The following GBF1 variants were observed in gnomAD, a reference collection of about 807,000 sequenced individuals.
GBF1 encodes Golgi-specific brefeldin A-resistance guanine nucleotide exchange factor 1.
GBF1 carries 114 observed loss-of-function variants against 210.5 expected under a neutral mutation model. That is an observed-to-expected ratio of 0.54 (90% CI 0.47 to 0.63). GBF1 has a LOEUF of 0.63. Ranked by LOEUF, GBF1 falls within the 30% of genes least tolerant of loss-of-function variation. The probability of loss-of-function intolerance (pLI) is 0.00; values close to 1 mark genes in which losing one functional copy is unlikely to be tolerated. For missense variants in GBF1, 1,851 were observed against 2,357.7 expected (o/e 0.79, Z 4.45); for synonymous variants, 850 against 889.2 (o/e 0.96, Z 0.78).
intron 3 of GBF1, among the ~76,000 whole-genome samples, chr10:102,331,385 A>T (rs150928965): frequency 6.6e-6 from 1 of 152,122 alleles, no homozygotes; most frequent in African/African-American, 2.4e-5. Flanking sequence ...ATGATTTCTA[A>T]TCCCTGGGGT....
chr10:102,279,152 G>A (rs1215697751), intron 3 of GBF1, among the ~76,000 whole-genome samples: 1 of 152,132 alleles, frequency 6.6e-6, no homozygotes, highest in East Asian at 1.9e-4. Flanking sequence ...AAACACAATT[G>A]CATACCCTAA....
chr10:102,356,636 G>A (rs188420645), intron 8 of GBF1, among the ~76,000 whole-genome samples: 187 of 152,074 alleles, frequency 1.2e-3, no homozygotes, highest in African/African-American at 4.3e-3. Context: ...GCTTGGTGGC[G>A]GGCGCCTGTA....
upstream of GBF1, among the ~76,000 whole-genome samples, chr10:102,242,182 G>A (rs543841586): frequency 6.6e-6 from 1 of 152,178 alleles, no homozygotes; most frequent in African/African-American, 2.4e-5. Flanking sequence ...TCCAAGGAAG[G>A]TGACTTCGTG....
At chr10:102,326,693 C>T (rs2056929110) in intron 3 of GBF1, among the ~76,000 whole-genome samples, 1 of 152,208 alleles carries the variant, frequency 6.6e-6, no homozygotes. Flanking sequence ...CCCAACCCCA[C>T]ACATATATAC....
At position 102,382,095 on chromosome 10, in the gene GBF1, G is replaced by A. The variant is rs1455675204; in HGVS notation, c.5342G>A (p.Ser1781Asn). 5.7e-6 allele frequency: 9 copies of A among 1,573,860 alleles called. No homozygotes were observed. The African/African-American group carries it at 9.5e-5, about 17-fold the overall frequency. ...KPESPRAASS[S>N]SPGSPVASSP... ...GAGAGCCCCCGAGCCGCCAGCAGCA[G>A]CTCCCCAGGATCACCAGTGGCCTCA... Residue 1781 changes from serine (S) to asparagine (N), a missense_variant, in exon 40 of 40, where the codon AGC becomes AAC. By Grantham distance (46) the Ser-to-Asn change is conservative. Coordinates refer to ENST00000369983, the MANE Select transcript of GBF1 (RefSeq NM_001377137.1).
At position 102,376,260 on chromosome 10, in the gene GBF1, T is replaced by G. The variant is rs1325441999; in HGVS notation, c.3887-12T>G. 1 of 1,612,580 alleles carries G rather than the reference T, an allele frequency of 6.2e-7. No individual in the cohort carries two copies. ...CCCACCCTGACTCTGCCCTTCTCCC[T>G]GCCTACCATAGGGGCCCAGTCAGAT... is the stretch of plus-strand genomic sequence containing the variant. On this transcript the variant is annotated splice_polypyrimidine_tract_variant and intron_variant, in intron 30 of 39. Transcript: ENST00000369983.
chr10:102,239,085 A>G, the GBF1 span, among the ~76,000 whole-genome samples: 3 of 152,182 alleles, frequency 2.0e-5, no homozygotes, highest in Non-Finnish European at 2.9e-5. Context: ...ATTATGCTGT[A>G]GATTTCCATC....
At chr10:102,296,173 C>A (rs2076889061) in intron 3 of GBF1, among the ~76,000 whole-genome samples, 2 of 152,142 alleles carry the variant, frequency 1.3e-5, no homozygotes, top group African/African-American at 4.8e-5. Flanking sequence ...AAACCAAGGT[C>A]ACATAGCTTA....
intron 3 of GBF1, among the ~76,000 whole-genome samples, chr10:102,318,002 G>T (rs764017209): frequency 1.3e-5 from 2 of 152,026 alleles, no homozygotes; most frequent in African/African-American, 4.8e-5. Flanking sequence ...TCTGCCTCCC[G>T]GGTTCACGCC....
chr10:102,361,374 C>A (rs117104675), intron 13 of GBF1, among the ~76,000 whole-genome samples: 2,694 of 152,298 alleles, frequency 0.018, 30 homozygotes, highest in Middle Eastern at 0.037. Flanking sequence ...GACAGCTCTT[C>A]TGCCCAGCAG....
chr10:102,330,725 G>A (rs1247855253), intron 3 of GBF1, among the ~76,000 whole-genome samples: 1 of 152,012 alleles, frequency 6.6e-6, no homozygotes, highest in African/African-American at 2.4e-5. Flanking sequence ...TGTAGCTGTT[G>A]CTGATGTCTG....
rs746983792 is a variant in GBF1 at position 102,352,508 on chromosome 10, C to T, written c.574C>T (p.Leu192Phe). The change falls in exon 7 of 40, where the codon CTC (leucine) becomes TTC (phenylalanine). Residue 192 changes from leucine to phenylalanine, a missense_variant. Transcript: ENST00000369983. ...EHTLVDMVQL[L>F]FTRLPQFKEE... ...CACTCTCGTAGACATGGTGCAGCTGCTCTTCACAAGGTAAACCTGCTGCTG... is the reference window on the plus strand; with the variant it reads ...CACTCTCGTAGACATGGTGCAGCTGTTCTTCACAAGGTAAACCTGCTGCTG... The T allele has an allele frequency of 1.9e-6, 3 of 1,609,906 alleles. No individual in the cohort carries two copies. The highest frequency in any genetic ancestry group is 2.6e-6 in the Non-Finnish European group (3 of 1,176,194).
chr10:102,342,005 G>A (rs547744259), intron 3 of GBF1, among the ~76,000 whole-genome samples: 1 of 151,306 alleles, frequency 6.6e-6, no homozygotes, highest in South Asian at 2.1e-4. Context: ...TCCTAAAGCA[G>A]CAAGACTAGA....
intron 3 of GBF1, among the ~76,000 whole-genome samples, chr10:102,340,266 CCT>C (rs1491477943): frequency 4.0e-5 from 5 of 123,664 alleles, no homozygotes; most frequent in Non-Finnish European, 7.1e-5. Context: ...CTGGTCCATG[CCT>C]TTTTTTTTTT....
chr10:102,373,400 C>T (rs2060320408), intron 29 of GBF1, among the ~76,000 whole-genome samples: 1 of 152,172 alleles, frequency 6.6e-6, no homozygotes, highest in Admixed American at 6.5e-5. Flanking sequence ...CATGGTGAAA[C>T]CATGTCTCTA....
At chr10:102,240,467 A>C (rs2070504431), upstream of GBF1, among the ~76,000 whole-genome samples, 1 of 152,228 alleles carries the variant, frequency 6.6e-6, no homozygotes, top group Admixed American at 6.5e-5. Flanking sequence ...ACAAGTTTGC[A>C]AAGTGTGAGC....
At chr10:102,285,734 G>A (rs926519294) in intron 3 of GBF1, among the ~76,000 whole-genome samples, 1 of 152,088 alleles carries the variant, frequency 6.6e-6, no homozygotes, top group Non-Finnish European at 1.5e-5. Context: ...TCTTGTGAAA[G>A]GAGAAAACTG....
chr10:102,324,974 G>A (rs1487509292), intron 3 of GBF1, among the ~76,000 whole-genome samples: 1 of 152,164 alleles, frequency 6.6e-6, no homozygotes, highest in African/African-American at 2.4e-5. Flanking sequence ...ATGAGTTGAT[G>A]TGTATAAGGT....
rs1477087850 is a variant in GBF1, at chr10:102,366,702, T to G, written c.2433+196T>G. ...CCCGGGTTCAAGCAATTCTCCTGCCTTAGCCTCCTGAGTAGCTGGGATTTC... is the reference window on the plus strand; with the variant it reads ...CCCGGGTTCAAGCAATTCTCCTGCCGTAGCCTCCTGAGTAGCTGGGATTTC... On this transcript the variant is annotated intron_variant, in intron 19 of 39. Transcript: ENST00000369983. The surrounding 1 kb of genome is among the most constrained non-coding windows in gnomAD (Gnocchi z 4.0). Among the ~76,000 whole-genome samples, 1 of 151,690 alleles carries G rather than the reference T, an allele frequency of 6.6e-6. No homozygotes were observed. The highest frequency in any genetic ancestry group is 1.5e-5 in the Non-Finnish European group (1 of 67,976).
Sources: allele counts gnomAD v4.1 joint callset (sites outside exome capture counted in the v4.1 genomes callset), GRCh38; gene constraint gnomAD v4.1.1; non-coding constraint Gnocchi (gnomAD v3.1); transcripts MANE v1.5; gene names NCBI Gene and HGNC (gene_info 2026-07-23, HGNC 2026-07-21).